Variants in GLRA2 observed in about 807,000 individuals in gnomAD.
The protein encoded by GLRA2 is glycine receptor subunit alpha-2.
A neutral mutation model predicts 31.6 loss-of-function variants in GLRA2; 11 were observed. That is an observed-to-expected ratio of 0.35 (90% confidence interval 0.22 to 0.58). The LOEUF is 0.58. GLRA2 is among the 20% of genes least tolerant of loss of function. The probability of loss-of-function intolerance (pLI) is 0.84; values close to 1 mark genes in which losing one functional copy is unlikely to be tolerated. For missense variants in GLRA2, 212 were observed against 351.8 expected, an observed-to-expected ratio of 0.60 and a Z score of 3.18; for synonymous variants, 132 against 134.0, an observed-to-expected ratio of 0.99 and a Z score of 0.10.
chrX:14,486,506 A>T, the GLRA2 span, among the ~76,000 whole-genome samples: 1 of 111,872 alleles, frequency 8.9e-6, no homozygotes, highest in Non-Finnish European at 1.9e-5. Context: ...TACTATCTGG[A>T]ATATATAAAA....
At chrX:14,546,878 A>G (rs1481091467) in intron 2 of GLRA2, among the ~76,000 whole-genome samples, 4 of 111,745 alleles carry the variant, frequency 3.6e-5, no homozygotes, top group African/African-American at 1.3e-4. Context: ...ATTTGGAGCC[A>G]TGTGCTAACA....
intron 4 of GLRA2, among the ~76,000 whole-genome samples, chrX:14,602,430 A>AT (rs1261474823): frequency 1.8e-5 from 2 of 108,423 alleles, no homozygotes; most frequent in African/African-American, 3.3e-5. Context: ...TTTTTTTTCA[A>AT]TTTTTTTATT....
At chrX:14,673,473 A>AGTT (rs1336276174) in intron 7 of GLRA2, among the ~76,000 whole-genome samples, 2 of 111,630 alleles carry the variant, frequency 1.8e-5, no homozygotes, top group Non-Finnish European at 3.8e-5. Context: ...TAAGGTTCTG[A>AGTT]GTTTGAGAAA....
At chrX:14,494,024 T>C in the GLRA2 span, among the ~76,000 whole-genome samples, 2 of 110,492 alleles carry the variant, frequency 1.8e-5, no homozygotes, top group African/African-American at 3.3e-5. Context: ...CTACACACAA[T>C]AATAAGACCT....
At chrX:14,488,210 A>G in the GLRA2 span, among the ~76,000 whole-genome samples, 18 of 112,212 alleles carry the variant, frequency 1.6e-4, no homozygotes, top group East Asian at 4.5e-3. Context: ...GCCATTGTCT[A>G]TTGTGAGCAC....
chrX:14,456,664 C>T, the GLRA2 span, among the ~76,000 whole-genome samples: 4 of 112,293 alleles, frequency 3.6e-5, no homozygotes, highest in Admixed American at 2.8e-4. Flanking sequence ...CCAGTTACGT[C>T]CATGTTACCA....
chrX:14,717,610 T>G (rs1237347754), intron 8 of GLRA2, among the ~76,000 whole-genome samples: 1 of 110,802 alleles, frequency 9.0e-6, no homozygotes, highest in East Asian at 2.8e-4. Flanking sequence ...TTGTATATAG[T>G]TATGAGTACA....
intron 3 of GLRA2, among the ~76,000 whole-genome samples, chrX:14,579,661 G>A (rs2089994967): frequency 9.0e-6 from 1 of 111,628 alleles, no homozygotes; most frequent in Non-Finnish European, 1.9e-5. Flanking sequence ...AAACATATAA[G>A]GTGACCTTGG....
intron 4 of GLRA2, among the ~76,000 whole-genome samples, chrX:14,584,047 T>C (rs1383014925): frequency 9.0e-6 from 1 of 110,841 alleles, no homozygotes. Flanking sequence ...TGGGACCTAC[T>C]TGAGGGTGGA....
At chrX:14,700,138 T>C (rs1055880902) in intron 8 of GLRA2, among the ~76,000 whole-genome samples, 30 of 111,404 alleles carry the variant, frequency 2.7e-4, no homozygotes, top group African/African-American at 9.5e-4. Flanking sequence ...GAGATGGAGG[T>C]AGCGATGTCC....
intron 4 of GLRA2, among the ~76,000 whole-genome samples, chrX:14,583,325 G>A (rs2090044232): frequency 8.9e-6 from 1 of 112,409 alleles, no homozygotes; most frequent in South Asian, 3.6e-4. Context: ...TATACCCAAA[G>A]GAATATAAAT....
chrX:14,681,840 C>T (rs1025575436), intron 7 of GLRA2, among the ~76,000 whole-genome samples: 8 of 90,184 alleles, frequency 8.9e-5, no homozygotes, highest in Non-Finnish European at 1.1e-4. Context: ...TGCAGTGAGC[C>T]GAGATCGCGC....
chrX:14,540,617 C>T (rs2089388558), intron 2 of GLRA2, among the ~76,000 whole-genome samples: 1 of 110,768 alleles, frequency 9.0e-6, no homozygotes, highest in African/African-American at 3.3e-5. Context: ...CAAACTCACC[C>T]CTTACCATTC....
At chrX:14,642,595 A>ATT (rs111796358) in intron 7 of GLRA2, among the ~76,000 whole-genome samples, 4 of 103,511 alleles carry the variant, frequency 3.9e-5, no homozygotes, top group South Asian at 4.1e-4. Flanking sequence ...TCTGGTCATG[A>ATT]TTTTTTTTTT....
intron 7 of GLRA2, among the ~76,000 whole-genome samples, chrX:14,637,782 TG>T (rs2090725944): frequency 8.9e-6 from 1 of 111,946 alleles, no homozygotes. Flanking sequence ...TGAGTTACAG[TG>T]CATAATTGCT....
chrX:14,455,457 A>AT, the GLRA2 span, among the ~76,000 whole-genome samples: 7 of 111,932 alleles, frequency 6.3e-5, no homozygotes, highest in East Asian at 2.8e-4. Context: ...TATCTGACAC[A>AT]TTTTTTTGAG....
chrX:14,585,705 G>A (rs1424996202), intron 4 of GLRA2, among the ~76,000 whole-genome samples: 1 of 111,788 alleles, frequency 8.9e-6, no homozygotes, highest in East Asian at 2.8e-4. Flanking sequence ...ACTCTAAAGA[G>A]CTGATATAAA....
At chrX:14,640,606 G>A (rs185282633) in intron 7 of GLRA2, among the ~76,000 whole-genome samples, 2 of 111,182 alleles carry the variant, frequency 1.8e-5, no homozygotes, top group Admixed American at 9.6e-5. Flanking sequence ...GTTCTGACTT[G>A]TTTAACTATT....
chrX:14,468,592 C>A, the GLRA2 span, among the ~76,000 whole-genome samples: 6 of 112,108 alleles, frequency 5.4e-5, no homozygotes, highest in East Asian at 1.4e-3. Context: ...ATAATGTTAT[C>A]ATACTACCAA....
Sources: allele counts gnomAD v4.1 joint callset (sites outside exome capture counted in the v4.1 genomes callset), GRCh38; gene constraint gnomAD v4.1.1; transcripts MANE v1.5; gene names NCBI Gene and HGNC (gene_info 2026-07-23, HGNC 2026-07-21).